Variants in MBOAT2 observed in about 807,000 individuals in gnomAD.
MBOAT2 encodes the protein membrane bound glycerophospholipid O-acyltransferase 2.
Under a neutral mutation model 63.4 loss-of-function variants are expected in MBOAT2, and 28 were observed. The ratio of observed to expected loss-of-function variants is 0.44; its 90% CI spans 0.33 to 0.61. The LOEUF is 0.61. Among genes scored for constraint, MBOAT2 ranks in the 20% least tolerant of loss-of-function variants. The probability of loss-of-function intolerance (pLI) is 0.03; values close to 1 mark genes in which losing one functional copy is unlikely to be tolerated. For missense variants in MBOAT2, 470 were observed against 605.8 expected (o/e 0.78, Z 2.35); for synonymous variants, 211 against 215.6 (o/e 0.98, Z 0.19).
rs1333874213 is a variant in MBOAT2 at position 8,857,430 on chromosome 2, GC to G, written c.*1248del. ...GGCAAGATTAGTTGTGGTAAAAATGGCCCATAAAATAAAAGCACATTTTTCC... is the reference window on the plus strand; with the variant it reads ...GGCAAGATTAGTTGTGGTAAAAATGGCCATAAAATAAAAGCACATTTTTCC... On this transcript the variant is annotated 3_prime_UTR_variant, in exon 13 of 13. Coordinates refer to ENST00000305997, the MANE Select transcript of MBOAT2 (RefSeq NM_138799.4). 6.6e-6 allele frequency: 1 copy of G among 152,164 alleles called. No homozygotes were observed. Among genetic ancestry groups the G allele is most frequent in the Non-Finnish European group, 1.5e-5 (1 of 68,016 alleles). 9.4% of individuals were successfully genotyped at this position (152,164 alleles called of 1,614,324 possible). A position where few individuals can be genotyped will look rare whatever the true frequency, so the allele number is the denominator to read the frequency against.
intron 1 of MBOAT2, among the ~76,000 whole-genome samples, chr2:8,967,767 A>T (rs774553534): frequency 2.6e-5 from 4 of 152,204 alleles, no homozygotes; most frequent in Non-Finnish European, 4.4e-5. Context: ...AATATGATAA[A>T]GATAATATCT....
At chr2:8,878,485 G>C (rs886301514) in intron 6 of MBOAT2, among the ~76,000 whole-genome samples, 11 of 152,052 alleles carry the variant, frequency 7.2e-5, no homozygotes, top group Non-Finnish European at 1.5e-4. Flanking sequence ...AAACACTCTT[G>C]TGGACAAGAG....
chr2:8,994,429 G>A (rs1672129321), intron 1 of MBOAT2, among the ~76,000 whole-genome samples: 1 of 152,212 alleles, frequency 6.6e-6, no homozygotes, highest in Non-Finnish European at 1.5e-5. Context: ...CCCCGCATGG[G>A]ATCTTGCCAT....
chr2:8,887,704 A>C (rs554056211), intron 5 of MBOAT2, among the ~76,000 whole-genome samples: 1 of 152,348 alleles, frequency 6.6e-6, no homozygotes, highest in East Asian at 1.9e-4. Flanking sequence ...GAGGAGCTGA[A>C]GCAGGAAATA....
intron 4 of MBOAT2, among the ~76,000 whole-genome samples, chr2:8,906,641 T>C (rs1475399725): frequency 1.3e-5 from 2 of 152,142 alleles, no homozygotes; most frequent in Non-Finnish European, 2.9e-5. Flanking sequence ...AACACAGAAA[T>C]GTGAGGTAAA....
chr2:8,859,017 TTAC>T, intron 12 of MBOAT2, 113 bp from the exon 13 acceptor site: 4 of 740,732 alleles, frequency 5.4e-6, no homozygotes, highest in Non-Finnish European at 8.6e-6. Flanking sequence ...GTTTACTACA[TTAC>T]TACATTATTC....
Position 8,854,372 on chromosome 2 carries a change from C to T in MBOAT2, c.*4307G>A, listed in dbSNP as rs1045591420. 1 of 152,156 alleles carries T rather than the reference C, an allele frequency of 6.6e-6. No homozygotes were observed. Among genetic ancestry groups the T allele is most frequent in the Non-Finnish European group, 1.5e-5 (1 of 68,028 alleles). The allele number at this position is 152,156 out of a possible 1,614,324, so 9.4% of individuals were successfully genotyped here. On this transcript the variant is annotated 3_prime_UTR_variant, in exon 13 of 13. Transcript: ENST00000305997. Reference sequence around the variant, plus strand: ...TAAATGCACACTGGGTTAAATGCAGCAGTTTTATAAGGTATTGAGGGCAGT... The same window carrying T: ...TAAATGCACACTGGGTTAAATGCAGTAGTTTTATAAGGTATTGAGGGCAGT...
At chr2:8,902,965 A>T (rs973642246) in intron 4 of MBOAT2, among the ~76,000 whole-genome samples, 1 of 152,086 alleles carries the variant, frequency 6.6e-6, no homozygotes, top group African/African-American at 2.4e-5. Context: ...TGACTGGTCC[A>T]TTTTACAGAG....
intron 9 of MBOAT2, among the ~76,000 whole-genome samples, chr2:8,866,940 T>C (rs988341911): frequency 6.6e-6 from 1 of 152,234 alleles, no homozygotes; most frequent in Non-Finnish European, 1.5e-5. Context: ...ACTGCCCACT[T>C]TTAGCAATAT....
chr2:8,955,714 G>A (rs1313636363), intron 2 of MBOAT2, among the ~76,000 whole-genome samples: 2 of 152,242 alleles, frequency 1.3e-5, no homozygotes, highest in African/African-American at 2.4e-5. Flanking sequence ...TCTACTGTGG[G>A]TAAAAGGCTG....
intron 4 of MBOAT2, among the ~76,000 whole-genome samples, chr2:8,888,301 A>G (rs1225717983): frequency 6.6e-6 from 1 of 152,194 alleles, no homozygotes; most frequent in East Asian, 1.9e-4. Flanking sequence ...ATGAAAAACA[A>G]AAGAAAAAGG....
chr2:8,951,060 G>C (rs549895490), intron 2 of MBOAT2, among the ~76,000 whole-genome samples: 3 of 152,056 alleles, frequency 2.0e-5, no homozygotes, highest in Non-Finnish European at 4.4e-5. Flanking sequence ...ATCTATGTTC[G>C]TCAGGGATAT....
chr2:8,915,007 C>T lies in MBOAT2; in HGVS notation c.300-6291G>A, dbSNP rs1415130360. ...AGGCTGCAGTGCAGTGGCGCAATCT[C>T]GGCTCACTGCAACCTCCACCTCCCA... On this transcript the variant is annotated intron_variant, in intron 3 of 12. Transcript: ENST00000305997. Among the ~76,000 whole-genome samples, 8 of 131,216 alleles carry T rather than the reference C, an allele frequency of 6.1e-5. No homozygotes were observed. The East Asian group carries it at 9.2e-4, about 15-fold the overall frequency. The allele number at this position is 131,216 out of a possible 152,430, so 86.1% of individuals were successfully genotyped here.
intron 4 of MBOAT2, among the ~76,000 whole-genome samples, chr2:8,888,884 TAAG>T (rs1663767299): frequency 6.6e-6 from 1 of 151,930 alleles, no homozygotes; most frequent in African/African-American, 2.4e-5. Context: ...TAAAATAAAA[TAAG>T]AATAAATAAA....
rs952433711 is a variant in MBOAT2 at position 8,854,511 on chromosome 2, C to T, written c.*4168G>A. ...ACAAAATACTAGCTTATATCTAAAA[C>T]TCTGGACAAATTTTTAGCTGACACA... On this transcript the variant is annotated 3_prime_UTR_variant, in exon 13 of 13. Transcript: ENST00000305997. 6.6e-6 allele frequency: 1 copy of T among 152,222 alleles called. No homozygotes were observed. The highest frequency in any genetic ancestry group is 1.5e-5 in the Non-Finnish European group (1 of 68,034). The allele number at this position is 152,222 out of a possible 1,614,324, so 9.4% of individuals were successfully genotyped here. A position where few individuals can be genotyped will look rare whatever the true frequency, so the allele number is the denominator to read the frequency against.
At chr2:8,982,763 G>A (rs1671289062) in intron 1 of MBOAT2, among the ~76,000 whole-genome samples, 2 of 152,138 alleles carry the variant, frequency 1.3e-5, no homozygotes, top group Admixed American at 6.6e-5. Flanking sequence ...ACTGTACCAG[G>A]TGCTAGAGAT....
chr2:8,998,851 G>A (rs1430903177), intron 1 of MBOAT2, among the ~76,000 whole-genome samples: 1 of 151,948 alleles, frequency 6.6e-6, no homozygotes, highest in Non-Finnish European at 1.5e-5. Context: ...ATATTATTAA[G>A]ACCATAAACT....
chr2:8,909,902 T>C (rs1322033527), intron 3 of MBOAT2, among the ~76,000 whole-genome samples: 1 of 152,162 alleles, frequency 6.6e-6, no homozygotes, highest in African/African-American at 2.4e-5. Context: ...TTTTATACAC[T>C]CTTCTGCAGT....
chr2:8,882,185 CTACATGGCA>C, intron 6 of MBOAT2, among the ~76,000 whole-genome samples: 1 of 152,220 alleles, frequency 6.6e-6, no homozygotes, highest in East Asian at 1.9e-4. Flanking sequence ...CCAGTAATTA[CTACATGGCA>C]GACATGAAGA....
Sources: gnomAD v4.1 joint callset for allele counts (sites outside exome capture counted in the v4.1 genomes callset) on GRCh38, gnomAD v4.1.1 for gene constraint, MANE v1.5 for transcripts, NCBI Gene and HGNC (gene_info 2026-07-23, HGNC 2026-07-21) for gene names.